Variants in EXOC4 observed in about 807,000 individuals in gnomAD.
The protein encoded by EXOC4 is SEC8-like 1.
In EXOC4, 71 loss-of-function variants were observed where a neutral mutation model predicts 107.2. The ratio of observed to expected loss-of-function variants is 0.66; its 90% CI spans 0.55 to 0.81. The LOEUF is 0.81. Ranked by LOEUF, EXOC4 falls within the 30% of genes least tolerant of loss-of-function variation. The pLI is 0.00. For synonymous variants in EXOC4, 456 were observed against 441.2 expected (o/e 1.03, Z -0.42); for missense variants, 1,108 against 1,189.6 (o/e 0.93, Z 1.01).
At chr7:133,416,702 G>A (rs1330926822) in intron 7 of EXOC4, among the ~76,000 whole-genome samples, 1 of 152,078 alleles carries the variant, frequency 6.6e-6, no homozygotes, top group African/African-American at 2.4e-5. Flanking sequence ...TATTTGAGAA[G>A]AAATAATTGA....
chr7:133,697,942 A>T (rs916405263), intron 10 of EXOC4, among the ~76,000 whole-genome samples: 1 of 152,206 alleles, frequency 6.6e-6, no homozygotes, highest in Non-Finnish European at 1.5e-5. Context: ...TTACTCAGAA[A>T]GGACTCAGAG....
chr7:133,634,594 A>G (rs754777958), intron 10 of EXOC4, among the ~76,000 whole-genome samples: 26 of 152,110 alleles, frequency 1.7e-4, no homozygotes, highest in Admixed American at 2.0e-4. Context: ...GGTTTAAGCA[A>G]TTCTCGTGCC....
Position 133,421,454 on chromosome 7 carries a change from G to GTGGTA in EXOC4, c.1182+46453_1182+46457dup, listed in dbSNP as rs201557086. ...AAAGAGATTAGAATCCAAGGAAATT[G>GTGGTA]TGGTACAGCTGACTTCTACTGTACG... On this transcript the variant is annotated intron_variant, in intron 7 of 17. Coordinates refer to ENST00000253861, the MANE Select transcript of EXOC4 (RefSeq NM_021807.4). Among the ~76,000 whole-genome samples, 208 of 152,284 alleles carry GTGGTA rather than the reference G, an allele frequency of 1.4e-3. 4 individuals are homozygous for GTGGTA. The East Asian group carries it at 0.025, about 19-fold the overall frequency.
intron 9 of EXOC4, among the ~76,000 whole-genome samples, chr7:133,556,477 C>G (rs1430804434): frequency 1.3e-5 from 2 of 152,104 alleles, no homozygotes; most frequent in Non-Finnish European, 2.9e-5. Context: ...AATCCTACAT[C>G]CCTGCCAAAT....
chr7:133,700,996 A>G (rs1329274697), intron 10 of EXOC4, among the ~76,000 whole-genome samples: 1 of 152,142 alleles, frequency 6.6e-6, no homozygotes, highest in East Asian at 1.9e-4. Context: ...AAAAAATATA[A>G]TGTATTCTTA....
intron 10 of EXOC4, among the ~76,000 whole-genome samples, chr7:133,777,423 C>A (rs1326236830): frequency 6.6e-6 from 1 of 152,142 alleles, no homozygotes; most frequent in Non-Finnish European, 1.5e-5. Flanking sequence ...CTGATTCAGA[C>A]AATCTGAGGA....
chr7:133,629,688 A>G (rs1802542272), intron 9 of EXOC4, among the ~76,000 whole-genome samples: 1 of 150,278 alleles, frequency 6.7e-6, no homozygotes, highest in East Asian at 2.0e-4. Context: ...CTACAGGCAC[A>G]TGCGACCATG....
chr7:133,425,476 G>A lies in EXOC4; in HGVS notation c.1183-49852G>A, dbSNP rs10266694. On this transcript the variant is annotated intron_variant, in intron 7 of 17. Transcript: ENST00000253861. ...TAATTTTTTGTGTTTTAGTAGAGAC[G>A]GGGTATCACCATGTTGCCCAGGCTG... Among the ~76,000 whole-genome samples the A allele has an allele frequency of 1.5e-3, 224 of 152,112 alleles. 2 individuals carry two copies. The highest frequency in any genetic ancestry group is 4.9e-3 in the African/African-American group (204 of 41,498).
chr7:134,087,253 C>G, the EXOC4 span, among the ~76,000 whole-genome samples: 1 of 152,142 alleles, frequency 6.6e-6, no homozygotes, highest in Non-Finnish European at 1.5e-5. Context: ...GGATGAAGAT[C>G]TATCTTCTGT....
Position 133,997,535 on chromosome 7 carries a change from C to T in EXOC4, c.2250C>T (p.Pro750=). The T allele has an allele frequency of 6.2e-7, 1 of 1,613,760 alleles. No homozygotes were observed. Among genetic ancestry groups the T allele is most frequent in the Non-Finnish European group, 8.5e-7 (1 of 1,179,796 alleles). Residue 750 remains proline, a synonymous_variant, in exon 15 of 18, where the codon CCC becomes CCT. Coordinates refer to ENST00000253861, the MANE Select transcript of EXOC4 (RefSeq NM_021807.4). ...AQDSHTNTDL[P]PVSEQIMQTL... ...ACAGCCACACGAACACGGATCTCCC[C>T]CCAGTGTCAGAGCAGATCATGCAGA...
intron 5 of EXOC4, among the ~76,000 whole-genome samples, chr7:133,332,698 T>C (rs951137098): frequency 6.6e-6 from 1 of 152,234 alleles, no homozygotes; most frequent in African/African-American, 2.4e-5. Context: ...TGTTGTCTCC[T>C]TTTTGTAAAG....
At chr7:133,859,521 C>T (rs552981765) in intron 11 of EXOC4, among the ~76,000 whole-genome samples, 3 of 152,258 alleles carry the variant, frequency 2.0e-5, no homozygotes, top group African/African-American at 7.2e-5. Context: ...TTCCTACTTG[C>T]AGCTGGTGTT....
At chr7:133,429,552 T>A (rs796822954) in intron 7 of EXOC4, among the ~76,000 whole-genome samples, 2 of 152,344 alleles carry the variant, frequency 1.3e-5, no homozygotes, top group African/African-American at 4.8e-5. Flanking sequence ...AACATGTTCG[T>A]CACTCCAGGA....
chr7:134,034,801 G>A (rs75064563), intron 17 of EXOC4, among the ~76,000 whole-genome samples: 2 of 152,278 alleles, frequency 1.3e-5, no homozygotes, highest in East Asian at 3.9e-4. Context: ...ATAATCCTTA[G>A]CATCACTGGC....
intron 14 of EXOC4, among the ~76,000 whole-genome samples, chr7:133,986,200 T>C (rs1000536832): frequency 5.9e-5 from 9 of 152,226 alleles, no homozygotes; most frequent in Non-Finnish European, 1.2e-4. Flanking sequence ...TTGCTATTAA[T>C]AGTTCAAACC....
At chr7:133,947,703 C>G (rs1800587970) in intron 14 of EXOC4, among the ~76,000 whole-genome samples, 1 of 152,188 alleles carries the variant, frequency 6.6e-6, no homozygotes, top group South Asian at 2.1e-4. Context: ...AAGGCTAGTG[C>G]TGTGGGCATT....
chr7:133,755,404 C>T (rs1276786025), intron 10 of EXOC4, among the ~76,000 whole-genome samples: 37 of 137,786 alleles, frequency 2.7e-4, no homozygotes, highest in African/African-American at 9.0e-4. Flanking sequence ...AGTGCAGTGG[C>T]GCCATCTCAG....
chr7:133,649,936 C>T (rs1046224717), intron 10 of EXOC4, among the ~76,000 whole-genome samples: 6 of 152,014 alleles, frequency 3.9e-5, no homozygotes, highest in African/African-American at 1.4e-4. Context: ...TATGTCACTA[C>T]TTTGGGGAAA....
chr7:133,546,271 T>TTG (rs1215722119), intron 9 of EXOC4, among the ~76,000 whole-genome samples: 1 of 149,718 alleles, frequency 6.7e-6, no homozygotes, highest in African/African-American at 2.4e-5. Context: ...TTTTTTTTTT[T>TTG]TCCGAGATGG....
Sources: gnomAD v4.1 joint callset for allele counts (sites outside exome capture counted in the v4.1 genomes callset) on GRCh38, gnomAD v4.1.1 for gene constraint, MANE v1.5 for transcripts, NCBI Gene and HGNC (gene_info 2026-07-23, HGNC 2026-07-21) for gene names.